TSGA10: variants seen among roughly 807,000 people sequenced by gnomAD.
TSGA10 encodes the protein testis-specific gene 10 protein.
In TSGA10, 43 loss-of-function variants were observed where a neutral mutation model predicts 96.6. The ratio of observed to expected loss-of-function variants is 0.44; its 90% CI spans 0.35 to 0.57. The LOEUF (loss-of-function observed/expected upper bound fraction) is 0.57. Ranked by LOEUF, TSGA10 falls within the 20% of genes least tolerant of loss-of-function variation. The pLI, the probability that TSGA10 is intolerant of heterozygous loss-of-function variation, is 0.01. For missense variants in TSGA10, 703 were observed against 834.4 expected (o/e 0.84, Z 1.94); for synonymous variants, 229 against 269.9 (o/e 0.85, Z 1.48).
Position 99,065,111 on chromosome 2 carries a change from C to G in TSGA10, c.1232G>C (p.Arg411Pro). The change falls in exon 16 of 21, where the codon CGG becomes CCG. Residue 411 changes from arginine to proline, a missense_variant. Transcript: ENST00000393483. ...NILKSEESENRQMMEQLRKAN... is the reference protein window; with the variant it reads ...NILKSEESENPQMMEQLRKAN... ...TTTTCGAAGTTGTTCCATCATTTGC[C>G]GGTTCTCAGATTCCTGAAAAGCAAA... The G allele has an allele frequency of 6.2e-7, 1 of 1,611,044 alleles. No individual in the cohort carries two copies. Among genetic ancestry groups the G allele is most frequent in the Non-Finnish European group, 8.5e-7 (1 of 1,179,180 alleles).
chr2:99,025,291 A>G (rs746216501), intron 17 of TSGA10, among the ~76,000 whole-genome samples: 5 of 152,084 alleles, frequency 3.3e-5, no homozygotes, highest in African/African-American at 7.2e-5. Flanking sequence ...AAAAATTTCT[A>G]TTTTCACCTC....
intron 2 of TSGA10, 154 bp downstream of exon 2, chr2:99,126,894 T>G: frequency 1.5e-6 from 1 of 645,802 alleles, no homozygotes; most frequent in South Asian, 2.1e-5. Context: ...GACTCTATGT[T>G]TATCAAAATG....
intron 1 of TSGA10, among the ~76,000 whole-genome samples, chr2:99,151,845 TA>T: frequency 6.6e-6 from 1 of 152,224 alleles, no homozygotes; most frequent in East Asian, 1.9e-4. Context: ...TTGTTTTGTA[TA>T]TCAGTTATGA....
chr2:98,998,974 G>A (rs57722979), intron 20 of TSGA10, among the ~76,000 whole-genome samples: 8,216 of 152,086 alleles, frequency 0.054, 416 homozygotes, highest in East Asian at 0.21. Context: ...TCAGCTTACT[G>A]CAACCTCTGC....
At chr2:99,119,652 C>T (rs2092469742) in intron 2 of TSGA10, among the ~76,000 whole-genome samples, 1 of 152,110 alleles carries the variant, frequency 6.6e-6, no homozygotes, top group Non-Finnish European at 1.5e-5. Flanking sequence ...CTGGTTTGTT[C>T]TTACCCTAAC....
At chr2:99,012,180 T>C (rs1380826753) in intron 20 of TSGA10, among the ~76,000 whole-genome samples, 1 of 152,124 alleles carries the variant, frequency 6.6e-6, no homozygotes, top group Non-Finnish European at 1.5e-5. Flanking sequence ...GTTCTAAATC[T>C]TGAAACAAAA....
chr2:99,136,614 G>A (rs1469416314), intron 1 of TSGA10, among the ~76,000 whole-genome samples: 3 of 36,414 alleles, frequency 8.2e-5, no homozygotes, highest in African/African-American at 1.9e-4. Context: ...CGGCTAAAAC[G>A]GTGAAACCCC....
At chr2:99,125,412 C>T (rs900592277) in intron 2 of TSGA10, 8 of 152,158 alleles carry the variant, frequency 5.3e-5, no homozygotes, top group South Asian at 2.1e-4. Flanking sequence ...CTTTACATCT[C>T]TTATTTTTTC....
At chr2:99,150,907 CCTT>C (rs2093687720) in intron 1 of TSGA10, 1 of 959,462 alleles carries the variant, frequency 1.0e-6, no homozygotes, top group South Asian at 1.7e-5. Context: ...GAGAACTTAA[CCTT>C]ATTAGGAAAC....
rs1486029228 is a variant in TSGA10 at position 98,997,282 on chromosome 2, T to C, written c.*915A>G. The C allele has an allele frequency of 6.6e-6, 1 of 152,112 alleles. No individual in the cohort carries two copies. The highest frequency in any genetic ancestry group is 1.9e-4 in the East Asian group (1 of 5,204). The allele number at this position is 152,112 out of a possible 1,614,324, so 9.4% of individuals were successfully genotyped here. ...TGAATACTATTAATGACAAGCCTTT[T>C]TTTATTAAAATGGCAAGAATACAAA... On this transcript the variant is annotated 3_prime_UTR_variant, in exon 21 of 21. Transcript: ENST00000393483.
chr2:99,132,369 T>G (rs906651937), intron 1 of TSGA10, among the ~76,000 whole-genome samples: 2 of 151,980 alleles, frequency 1.3e-5, no homozygotes, highest in African/African-American at 4.8e-5. Context: ...TATATACCCT[T>G]CCAGGAATTT....
At chr2:99,061,761 C>T (rs189520670) in intron 16 of TSGA10, among the ~76,000 whole-genome samples, 253 of 152,282 alleles carry the variant, frequency 1.7e-3, no homozygotes, top group Non-Finnish European at 2.5e-3. Context: ...ACTGTGTCCC[C>T]TCCAAATTCA....
chr2:99,014,994 A>G (rs2104908273), intron 20 of TSGA10, among the ~76,000 whole-genome samples: 1 of 152,316 alleles, frequency 6.6e-6, no homozygotes, highest in East Asian at 1.9e-4. Context: ...TAAAACAGTA[A>G]TAAAAAAATT....
At chr2:99,097,080 G>A (rs1174070529) in intron 10 of TSGA10, among the ~76,000 whole-genome samples, 1 of 152,098 alleles carries the variant, frequency 6.6e-6, no homozygotes, top group Non-Finnish European at 1.5e-5. Context: ...AGAACTGACT[G>A]GAAAGGAGAA....
intron 20 of TSGA10, among the ~76,000 whole-genome samples, chr2:99,016,456 A>G (rs1250203466): frequency 1.3e-5 from 2 of 152,228 alleles, no homozygotes; most frequent in African/African-American, 4.8e-5. Flanking sequence ...TAGAGGAATG[A>G]AACTGGATCC....
intron 9 of TSGA10, 32 bp from the exon 10 acceptor site, chr2:99,104,150 T>G: frequency 1.2e-6 from 2 of 1,609,794 alleles, no homozygotes. Context: ...GTTACTGCCA[T>G]CACTAAAAAC....
intron 17 of TSGA10, 46 bp from the exon 18 acceptor site, chr2:99,020,528 C>T (rs1349331134): frequency 2.1e-6 from 3 of 1,412,720 alleles, no homozygotes; most frequent in African/African-American, 2.8e-5. Flanking sequence ...CATTAATTCA[C>T]TTAACTATTA....
chr2:99,018,626 C>G lies in TSGA10; in HGVS notation c.1832G>C (p.Arg611Thr). 6.2e-7 allele frequency: 1 copy of G among 1,613,198 alleles called. No homozygotes were observed. The highest frequency in any genetic ancestry group is 8.5e-7 in the Non-Finnish European group (1 of 1,179,700). The change falls in exon 19 of 21, where the codon AGA (arginine) becomes ACA (threonine). Residue 611 changes from arginine to threonine, a missense_variant. This residue lies in a region of TSGA10 where 49 missense variants were observed against 96.4 expected (regional missense o/e 0.51). Coordinates refer to ENST00000393483, the MANE Select transcript of TSGA10 (RefSeq NM_025244.4). ...AACATTTCTGAACTGGGCCACATCT[C>G]TACTCTGGATGGCCCTGTTTAAAAG... Reference protein sequence around the residue: ...LAENKMAIQSRDVAQFRNVVT... With the variant: ...LAENKMAIQSTDVAQFRNVVT...
chr2:99,146,103 C>T (rs1254323793), intron 1 of TSGA10, among the ~76,000 whole-genome samples: 1 of 152,002 alleles, frequency 6.6e-6, no homozygotes, highest in Non-Finnish European at 1.5e-5. Flanking sequence ...GCCAACATGG[C>T]GAAACATCGT....
Sources: allele counts gnomAD v4.1 joint callset (sites outside exome capture counted in the v4.1 genomes callset), GRCh38; gene constraint gnomAD v4.1.1; regional missense constraint gnomAD v4.1.1; transcripts MANE v1.5; gene names NCBI Gene and HGNC (gene_info 2026-07-23, HGNC 2026-07-21).